GPC5: variants seen among roughly 807,000 people sequenced by gnomAD.
The protein encoded by GPC5 is glypican-5.
GPC5 carries 47 observed loss-of-function variants against 53.9 expected under a neutral mutation model. The observed-to-expected ratio is 0.87, with a 90% CI of 0.69 to 1.11. The LOEUF (loss-of-function observed/expected upper bound fraction) is 1.11. Ranked by LOEUF, GPC5 falls within the 50% of genes most tolerant of loss-of-function variation. The pLI is 0.00. For synonymous variants in GPC5, 286 were observed against 263.3 expected (o/e 1.09, Z -0.84); for missense variants, 748 against 713.1 (o/e 1.05, Z -0.56).
Position 92,171,677 on chromosome 13 carries a change from A to G in GPC5, c.1561+26688A>G, listed in dbSNP as rs57418118. Among the ~76,000 whole-genome samples, 1,188 of 152,238 alleles carry G rather than the reference A, an allele frequency of 7.8e-3. 21 individuals carry two copies. Among genetic ancestry groups the G allele is most frequent in the African/African-American group, 0.027 (1,133 of 41,532 alleles). On this transcript the variant is annotated intron_variant, in intron 7 of 7. Transcript: ENST00000377067. Reference sequence around the variant, plus strand: ...ACCCATCCCTTTCATTTAGTTATTCATTGGGAATCCTATTAGGTCCTTTCA... The same window carrying G: ...ACCCATCCCTTTCATTTAGTTATTCGTTGGGAATCCTATTAGGTCCTTTCA...
intron 7 of GPC5, among the ~76,000 whole-genome samples, chr13:92,207,981 CT>C (rs1391141439): frequency 6.6e-6 from 1 of 152,218 alleles, no homozygotes; most frequent in African/African-American, 2.4e-5. Flanking sequence ...GAGCTGCCTC[CT>C]GAGGGAATAG....
chr13:91,673,004 C>T (rs2035285823), intron 2 of GPC5, among the ~76,000 whole-genome samples: 1 of 152,120 alleles, frequency 6.6e-6, no homozygotes, highest in South Asian at 2.1e-4. Flanking sequence ...AGTGCATGTT[C>T]TCATTCGTAA....
intron 5 of GPC5, among the ~76,000 whole-genome samples, chr13:91,783,028 G>A (rs1330932275): frequency 2.0e-5 from 3 of 151,382 alleles, no homozygotes; most frequent in African/African-American, 4.9e-5. Context: ...ATACAATTTC[G>A]GATCACCTGA....
At chr13:91,935,504 G>T (rs1430413440) in intron 6 of GPC5, among the ~76,000 whole-genome samples, 2 of 151,908 alleles carry the variant, frequency 1.3e-5, no homozygotes, top group Non-Finnish European at 2.9e-5. Flanking sequence ...GAATCTGCTG[G>T]TACCTTGAGT....
chr13:92,303,398 T>C (rs982924013), intron 7 of GPC5, among the ~76,000 whole-genome samples: 2 of 151,572 alleles, frequency 1.3e-5, no homozygotes, highest in African/African-American at 2.4e-5. Flanking sequence ...TAGACCAAAC[T>C]CAAAAGCCTA....
At chr13:92,606,071 T>C (rs1259098229) in intron 7 of GPC5, among the ~76,000 whole-genome samples, 1 of 152,128 alleles carries the variant, frequency 6.6e-6, no homozygotes, top group Admixed American at 6.5e-5. Context: ...ACCATTACTC[T>C]TTTCTTTTAT....
intron 2 of GPC5, among the ~76,000 whole-genome samples, chr13:91,494,881 T>C (rs1056906215): frequency 2.6e-5 from 4 of 152,236 alleles, no homozygotes; most frequent in Non-Finnish European, 5.9e-5. Flanking sequence ...TATTTTCTTC[T>C]TTTCATCTGT....
At chr13:92,071,472 A>G (rs6492576) in intron 6 of GPC5, among the ~76,000 whole-genome samples, 84,176 of 151,914 alleles carry the variant, frequency 0.55, 23,652 homozygotes, top group East Asian at 0.79. Flanking sequence ...TATACATAAA[A>G]TGGGAATCTA....
At chr13:92,373,944 T>C (rs549758619) in intron 7 of GPC5, among the ~76,000 whole-genome samples, 1 of 152,340 alleles carries the variant, frequency 6.6e-6, no homozygotes, top group South Asian at 2.1e-4. Flanking sequence ...TTGCTAGATG[T>C]AGTTACTAAA....
intron 4 of GPC5, among the ~76,000 whole-genome samples, chr13:91,745,669 T>C (rs1359698832): frequency 6.6e-6 from 1 of 152,160 alleles, no homozygotes; most frequent in Non-Finnish European, 1.5e-5. Flanking sequence ...CGTCACAGTT[T>C]CTGTAATGAG....
intron 2 of GPC5, among the ~76,000 whole-genome samples, chr13:91,471,393 T>C (rs1882615947): frequency 2.0e-5 from 3 of 152,162 alleles, no homozygotes; most frequent in South Asian, 2.1e-4. Context: ...TAATCCTTAC[T>C]ATGAAACAGA....
intron 5 of GPC5, among the ~76,000 whole-genome samples, chr13:91,764,457 A>G (rs1421015254): frequency 6.6e-6 from 1 of 152,198 alleles, no homozygotes; most frequent in African/African-American, 2.4e-5. Flanking sequence ...TCCTCTAGGA[A>G]TGCCATTTTT....
chr13:92,368,582 A>G (rs1237854030), intron 7 of GPC5, among the ~76,000 whole-genome samples: 1 of 140,032 alleles, frequency 7.1e-6, no homozygotes, highest in Non-Finnish European at 1.5e-5. Flanking sequence ...ATTTGCAGTG[A>G]GCCAAGATCG....
At chr13:92,842,014 G>GTAGCAA (rs1183007482) in intron 7 of GPC5, among the ~76,000 whole-genome samples, 1 of 152,120 alleles carries the variant, frequency 6.6e-6, no homozygotes, top group Non-Finnish European at 1.5e-5. Flanking sequence ...TTCACAAGTG[G>GTAGCAA]TCTTGGTCTT....
chr13:92,388,883 A>T (rs1594159689), intron 7 of GPC5, among the ~76,000 whole-genome samples: 1 of 152,092 alleles, frequency 6.6e-6, no homozygotes, highest in Admixed American at 6.6e-5. Flanking sequence ...TTTTAAGAAA[A>T]GTATGTTTTT....
intron 5 of GPC5, among the ~76,000 whole-genome samples, chr13:91,789,330 A>C (rs180726947): frequency 2.6e-5 from 4 of 152,356 alleles, no homozygotes; most frequent in African/African-American, 7.2e-5. Flanking sequence ...ATTTATCAAA[A>C]TAGAACTGTG....
intron 6 of GPC5, among the ~76,000 whole-genome samples, chr13:92,032,751 G>A (rs9589405): frequency 0.048 from 7,337 of 152,152 alleles, 630 homozygotes; most frequent in African/African-American, 0.17. Flanking sequence ...GCAATGGAAC[G>A]ACGCTAAAGT....
intron 7 of GPC5, among the ~76,000 whole-genome samples, chr13:92,764,068 G>C (rs1453900817): frequency 1.3e-5 from 2 of 152,140 alleles, no homozygotes; most frequent in Non-Finnish European, 2.9e-5. Context: ...GGTCCTCAGA[G>C]TACCATGTCA....
chr13:91,607,921 C>T (rs552763942), intron 2 of GPC5, among the ~76,000 whole-genome samples: 4 of 152,206 alleles, frequency 2.6e-5, no homozygotes, highest in Admixed American at 6.5e-5. Context: ...ATTTTTTCCC[C>T]GATTTTCTGA....
Sources: gnomAD v4.1 joint callset for allele counts (sites outside exome capture counted in the v4.1 genomes callset) on GRCh38, gnomAD v4.1.1 for gene constraint, MANE v1.5 for transcripts, NCBI Gene and HGNC (gene_info 2026-07-23, HGNC 2026-07-21) for gene names.